The following ARHGEF3 variants were observed in gnomAD, a reference collection of about 807,000 sequenced individuals.
ARHGEF3 encodes the protein Rho guanine nucleotide exchange factor 3, also known as 59.8 kDA protein.
A neutral mutation model predicts 63.2 loss-of-function variants in ARHGEF3; 28 were observed. The observed-to-expected ratio is 0.44, with a 90% CI of 0.33 to 0.61. The LOEUF is 0.61. ARHGEF3 is among the 20% of genes least tolerant of loss of function. The pLI, the probability that ARHGEF3 is intolerant of heterozygous loss-of-function variation, is 0.03. For missense variants in ARHGEF3, 533 were observed against 659.3 expected (o/e 0.81, Z 2.10); for synonymous variants, 266 against 254.2 (o/e 1.05, Z -0.44).
At chr3:56,896,722 A>C (rs974679992) in intron 3 of ARHGEF3, among the ~76,000 whole-genome samples, 62 of 152,280 alleles carry the variant, frequency 4.1e-4, no homozygotes, top group African/African-American at 1.5e-3. Context: ...TTTTTTCATG[A>C]TTAGATTCAG....
chr3:57,052,633 T>G (rs918317890), intron 1 of ARHGEF3, among the ~76,000 whole-genome samples: 1 of 152,120 alleles, frequency 6.6e-6, no homozygotes, highest in African/African-American at 2.4e-5. Flanking sequence ...TTTCCTCATC[T>G]TCTCTAGATA....
chr3:56,807,921 C>A (rs2037920919), intron 4 of ARHGEF3, among the ~76,000 whole-genome samples: 1 of 152,040 alleles, frequency 6.6e-6, no homozygotes, highest in Non-Finnish European at 1.5e-5. Context: ...GTCAGGAGTT[C>A]AAGACCAGCC....
chr3:56,787,382 A>C (rs2036871226), intron 1 of ARHGEF3, among the ~76,000 whole-genome samples: 1 of 152,164 alleles, frequency 6.6e-6, no homozygotes, highest in Non-Finnish European at 1.5e-5. Flanking sequence ...CATAGACTCT[A>C]GCAATTTTCT....
chr3:57,042,675 TATATATA>T (rs1704248622), intron 1 of ARHGEF3, among the ~76,000 whole-genome samples: 1 of 41,364 alleles, frequency 2.4e-5, no homozygotes, highest in Non-Finnish European at 4.2e-5. Context: ...TATATATATA[TATATATA>T]TATATATATA....
chr3:56,844,415 G>A (rs2039415738), intron 4 of ARHGEF3, among the ~76,000 whole-genome samples: 1 of 152,118 alleles, frequency 6.6e-6, no homozygotes, highest in Admixed American at 6.5e-5. Flanking sequence ...TAAGCATATT[G>A]TCTGGAATCT....
chr3:56,982,969 C>T (rs1357073079), intron 2 of ARHGEF3, among the ~76,000 whole-genome samples: 2 of 152,138 alleles, frequency 1.3e-5, no homozygotes, highest in Non-Finnish European at 2.9e-5. Context: ...AAGATGTCTT[C>T]CTTCTTCTTT....
At chr3:56,960,747 C>G (rs530201049) in intron 2 of ARHGEF3, 1 of 152,172 alleles carries the variant, frequency 6.6e-6, no homozygotes, top group East Asian at 1.9e-4. Flanking sequence ...CTAATAAGAT[C>G]GCAAGACAGA....
At chr3:56,954,804 C>T (rs187615151) in intron 3 of ARHGEF3, among the ~76,000 whole-genome samples, 197 of 152,254 alleles carry the variant, frequency 1.3e-3, no homozygotes, top group Admixed American at 2.4e-3. Context: ...GTGTCAATAG[C>T]CTTTTCTGAG....
intron 2 of ARHGEF3, among the ~76,000 whole-genome samples, chr3:56,756,545 C>CTTTT (rs35251607): frequency 2.7e-4 from 27 of 100,052 alleles, no homozygotes; most frequent in Non-Finnish European, 3.1e-4. Context: ...TCATAGCTGG[C>CTTTT]TTTTTTTTTT....
intron 7 of ARHGEF3, among the ~76,000 whole-genome samples, chr3:56,743,062 A>G (rs950206481): frequency 3.3e-5 from 5 of 152,108 alleles, no homozygotes; most frequent in African/African-American, 1.2e-4. Context: ...TGCAGACCAC[A>G]CACTTGCTGG....
intron 3 of ARHGEF3, among the ~76,000 whole-genome samples, chr3:56,885,786 CAT>C (rs1331246009): frequency 1.3e-5 from 2 of 152,206 alleles, no homozygotes; most frequent in Non-Finnish European, 2.9e-5. Flanking sequence ...AAGGAACCCA[CAT>C]GTTTTATAAA....
At chr3:56,960,830 A>G (rs1469244556) in intron 2 of ARHGEF3, 2 of 152,250 alleles carry the variant, frequency 1.3e-5, no homozygotes, top group Admixed American at 6.5e-5. Context: ...TCCTTCTGAA[A>G]ATAAATGTCT....
intron 2 of ARHGEF3, among the ~76,000 whole-genome samples, chr3:56,969,856 A>G (rs1216045433): frequency 6.6e-6 from 1 of 152,212 alleles, no homozygotes; most frequent in Non-Finnish European, 1.5e-5. Flanking sequence ...AATATTATTC[A>G]ACCATTAAAA....
At chr3:56,750,956 TA>T in intron 6 of ARHGEF3, 99 bp downstream of exon 6, 3 of 865,132 alleles carry the variant, frequency 3.5e-6, no homozygotes, top group Non-Finnish European at 4.8e-6. Flanking sequence ...CCAACATTTG[TA>T]AAAAAATAAA....
At chr3:56,995,620 C>CGAGAGAGA (rs66778716) in intron 2 of ARHGEF3, among the ~76,000 whole-genome samples, 2,190 of 112,974 alleles carry the variant, frequency 0.019, 63 homozygotes, top group African/African-American at 0.026. Context: ...GTAAATTTTC[C>CGAGAGAGA]GAGAGAGAGA....
chr3:56,973,182 A>T (rs1298174233), intron 2 of ARHGEF3, among the ~76,000 whole-genome samples: 1 of 151,786 alleles, frequency 6.6e-6, no homozygotes, highest in East Asian at 1.9e-4. Flanking sequence ...ACGCCCGGCT[A>T]ATTTTTTTGT....
chr3:57,063,347 G>A (rs1309137028), intron 1 of ARHGEF3, among the ~76,000 whole-genome samples: 1 of 152,188 alleles, frequency 6.6e-6, no homozygotes, highest in Non-Finnish European at 1.5e-5. Flanking sequence ...TGAGGGCTTT[G>A]AGCAGAGAAG....
chr3:57,000,150 G>A (rs1440834884), intron 2 of ARHGEF3, among the ~76,000 whole-genome samples: 3 of 152,126 alleles, frequency 2.0e-5, no homozygotes, highest in Non-Finnish European at 2.9e-5. Context: ...GTAAGGGCTC[G>A]ATAAATGTTA....
intron 3 of ARHGEF3, among the ~76,000 whole-genome samples, chr3:56,929,560 G>A (rs2042358573): frequency 6.6e-6 from 1 of 152,080 alleles, no homozygotes; most frequent in Non-Finnish European, 1.5e-5. Context: ...ATATGCTTCC[G>A]GGTTCTGTTG....
Sources: gnomAD v4.1 joint callset for allele counts (sites outside exome capture counted in the v4.1 genomes callset) on GRCh38, gnomAD v4.1.1 for gene constraint, MANE v1.5 for transcripts, NCBI Gene and HGNC (gene_info 2026-07-23, HGNC 2026-07-21) for gene names.